The following UBA3 variants were observed in gnomAD, a reference collection of about 807,000 sequenced individuals.
UBA3 encodes NEDD8-activating enzyme E1 catalytic subunit.
A neutral mutation model predicts 73.5 loss-of-function variants in UBA3; 26 were observed. The observed-to-expected ratio is 0.35, with a 90% CI of 0.26 to 0.49. UBA3 has a LOEUF of 0.49. Ranked by LOEUF, UBA3 falls within the 20% of genes least tolerant of loss-of-function variation. The pLI is 0.98. For missense variants in UBA3, 495 were observed against 555.6 expected (o/e 0.89, Z 1.10); for synonymous variants, 217 against 191.2 (o/e 1.13, Z -1.11).
chr3:69,057,419 A>G (rs2091983717), intron 11 of UBA3, 110 bp from the exon 12 acceptor site: 19 of 939,652 alleles, frequency 2.0e-5, no homozygotes, highest in Non-Finnish European at 2.9e-5. Flanking sequence ...GATTTTTCAG[A>G]CTTTCAAGCC....
chr3:69,055,377 C>T lies in UBA3; in HGVS notation c.*60G>A. On this transcript the variant is annotated 3_prime_UTR_variant, in exon 18 of 18. Transcript: ENST00000361055. ...ATTGCTAAAAATGACATCGATTCAA[C>T]TTCTTAGCATCCACAAAGTATATTA... The T allele has an allele frequency of 8.7e-7, 1 of 1,144,294 alleles. No homozygotes were observed. Among genetic ancestry groups the T allele is most frequent in the Non-Finnish European group, 1.2e-6 (1 of 837,884 alleles). The allele number at this position is 1,144,294 out of a possible 1,614,324, so 70.9% of individuals were successfully genotyped here.
At chr3:69,080,238 G>C in intron 1 of UBA3, 85 bp from the exon 2 acceptor site, 1 of 1,525,750 alleles carries the variant, frequency 6.6e-7, no homozygotes, top group Non-Finnish European at 8.9e-7. Flanking sequence ...CGGGGCGGGG[G>C]GTGTGGGGAC....
intron 11 of UBA3, among the ~76,000 whole-genome samples, chr3:69,061,228 C>T (rs1181471118): frequency 6.6e-6 from 1 of 152,230 alleles, no homozygotes; most frequent in East Asian, 1.9e-4. Flanking sequence ...AAGTTTTGCT[C>T]TTGTTGCCCA....
intron 3 of UBA3, 53 bp from the exon 4 acceptor site, chr3:69,075,563 T>C (rs1472116918): frequency 2.7e-6 from 3 of 1,098,244 alleles, no homozygotes; most frequent in South Asian, 2.3e-5. Context: ...GCAAAGACTA[T>C]AAATAAAGCA....
chr3:69,056,865 T>C (rs774819522), intron 12 of UBA3, 50 bp from the exon 13 acceptor site: 1 of 1,572,720 alleles, frequency 6.4e-7, no homozygotes. Flanking sequence ...AAATTAGGCA[T>C]GTTAAAAGTC....
rs766023201 is a variant in UBA3 at position 69,056,142 on chromosome 3, A to G, written c.1184+41T>C. 1.9e-6 allele frequency: 3 copies of G among 1,559,910 alleles called. No individual in the cohort carries two copies. The African/African-American group carries it at 4.2e-5, about 22-fold the overall frequency. ...TTTTTTTAAGGTTTCAAAAATCACA[A>G]AAATGATTTTTACAACATAACAAAA... On this transcript the variant is annotated intron_variant, in intron 15 of 17. Coordinates refer to ENST00000361055, the MANE Select transcript of UBA3 (RefSeq NM_003968.4).
chr3:69,069,517 G>C (rs549561051), intron 5 of UBA3, among the ~76,000 whole-genome samples: 7 of 152,124 alleles, frequency 4.6e-5, no homozygotes, highest in African/African-American at 1.7e-4. Context: ...AGTAGACACA[G>C]GGTTTCACCG....
rs767842761 is a variant in UBA3, at chr3:69,080,336, C to T, written c.18G>A (p.Glu6=). The part of the protein sequence containing the change: MADGE[E]PEKKRRRIEE... ...GTCTGCAGAGCCCCGGTACTTACGGCTCCTCGCCATCCGCCATATTGTTCT... is the reference window on the plus strand; with the variant it reads ...GTCTGCAGAGCCCCGGTACTTACGGTTCCTCGCCATCCGCCATATTGTTCT... The change falls in exon 1 of 18, where the codon GAG becomes GAA. Residue 6 remains glutamate, a splice_region_variant and synonymous_variant. Transcript: ENST00000361055. The T allele has an allele frequency of 1.3e-5, 20 of 1,599,268 alleles. No individual in the cohort carries two copies. Among genetic ancestry groups the T allele is most frequent in the East Asian group, 2.3e-5 (1 of 44,038 alleles).
At chr3:69,062,016 G>C in intron 10 of UBA3, 61 bp downstream of exon 10, 1 of 1,425,714 alleles carries the variant, frequency 7.0e-7, no homozygotes, top group Non-Finnish European at 9.7e-7. Flanking sequence ...TTATCCAAAG[G>C]AATAATATAG....
chr3:69,071,380 A>C, intron 5 of UBA3, 155 bp downstream of exon 5: 1 of 527,396 alleles, frequency 1.9e-6, no homozygotes, highest in Non-Finnish European at 3.3e-6. Context: ...TTCTTACAAA[A>C]CTTTACCTAC....
Position 69,058,195 on chromosome 3 carries a change from G to A in UBA3, c.911-886C>T, listed in dbSNP as rs116929208. ...TCCGCCCGCCCTGGCCTCCCAAAGT[G>A]CTGGGACTCACATTTTTCACATCAG... On this transcript the variant is annotated intron_variant, in intron 11 of 17. Transcript: ENST00000361055. Among the ~76,000 whole-genome samples the A allele has an allele frequency of 4.3e-3, 650 of 152,248 alleles. 14 individuals are homozygous for A. The East Asian group carries it at 0.047, about 11-fold the overall frequency.
intron 6 of UBA3, among the ~76,000 whole-genome samples, chr3:69,066,696 T>A (rs1327927750): frequency 2.0e-5 from 3 of 152,142 alleles, no homozygotes; most frequent in African/African-American, 7.2e-5. Context: ...CCTCCCAAAG[T>A]GCTGGGATTA....
At chr3:69,064,174 C>T in intron 6 of UBA3, 63 bp from the exon 7 acceptor site, 2 of 1,285,412 alleles carry the variant, frequency 1.6e-6, no homozygotes, top group Admixed American at 2.2e-5. Context: ...TTTGACAATG[C>T]CATAAGGAAC....
intron 4 of UBA3, 116 bp from the exon 5 acceptor site, chr3:69,071,733 T>G (rs1392376201): frequency 9.9e-6 from 6 of 605,586 alleles, no homozygotes; most frequent in Admixed American, 7.9e-5. Context: ...TCTGTGTAAT[T>G]TGTATTCAAT....
Position 69,061,830 on chromosome 3 carries a change from C to T in UBA3, c.894G>A (p.Thr298=), listed in dbSNP as rs113324032. The change falls in exon 11 of 18, where the codon ACG becomes ACA. Residue 298 remains threonine (T), a synonymous_variant. Coordinates refer to ENST00000361055, the MANE Select transcript of UBA3 (RefSeq NM_003968.4). ...RASQYNIRGV[T]YRLTQGVVKR... ...CTGACTTACCTTGAGTGAGCCTATA[C>T]GTAACACCCCTAATATTATATTGTG... 6.4e-4 allele frequency: 1,033 copies of T among 1,603,416 alleles called. 3 individuals are homozygous for T. In the African/African-American group the frequency reaches 9.9e-3, roughly 15 times the overall value.
intron 4 of UBA3, 68 bp downstream of exon 4, chr3:69,075,362 A>G: frequency 6.8e-6 from 5 of 732,570 alleles, no homozygotes; most frequent in Non-Finnish European, 9.5e-6. Context: ...CCCTAGTATG[A>G]CAGATAAGTA....
chr3:69,080,328 A>G lies in UBA3; in HGVS notation c.20+6T>C, dbSNP rs751661408. ...CCCGGCGCGTCTGCAGAGCCCCGGT[A>G]CTTACGGCTCCTCGCCATCCGCCAT... On this transcript the variant is annotated splice_donor_region_variant and intron_variant, in intron 1 of 17. Coordinates refer to ENST00000361055, the MANE Select transcript of UBA3 (RefSeq NM_003968.4). 1 of 1,603,348 alleles carries G rather than the reference A, an allele frequency of 6.2e-7. No individual in the cohort carries two copies. Among genetic ancestry groups the G allele is most frequent in the Non-Finnish European group, 8.5e-7 (1 of 1,176,910 alleles).
intron 17 of UBA3, 106 bp from the exon 18 acceptor site, chr3:69,055,631 A>G: frequency 1.1e-6 from 1 of 940,864 alleles, no homozygotes; most frequent in Non-Finnish European, 1.6e-6. Context: ...AAACATCAAA[A>G]TCCAATCCTC....
At chr3:69,080,017 C>T in intron 2 of UBA3, 95 bp downstream of exon 2, 1 of 1,230,670 alleles carries the variant, frequency 8.1e-7, no homozygotes, top group Non-Finnish European at 1.1e-6. Flanking sequence ...GTCCCCCTCC[C>T]AGCCCCCCGG....
Sources: gnomAD v4.1 joint callset for allele counts (sites outside exome capture counted in the v4.1 genomes callset) on GRCh38, gnomAD v4.1.1 for gene constraint, MANE v1.5 for transcripts, NCBI Gene and HGNC (gene_info 2026-07-23, HGNC 2026-07-21) for gene names.